The following RBFOX1 variants were observed in gnomAD, a reference collection of about 807,000 sequenced individuals.
The protein encoded by RBFOX1 is RNA binding protein fox-1 homolog 1.
In RBFOX1, 8 loss-of-function variants were observed where a neutral mutation model predicts 57.7. That is an observed-to-expected ratio of 0.14 (90% CI 0.08 to 0.25). RBFOX1 has a LOEUF of 0.25. Among genes scored for constraint, RBFOX1 ranks in the 10% least tolerant of loss-of-function variants. RBFOX1 has a pLI of 1.00. For synonymous variants in RBFOX1, 326 were observed against 222.4 expected (o/e 1.47, Z -4.15); for missense variants, 611 against 548.5 (o/e 1.11, Z -1.14).
chr16:7,529,197 C>T (rs2079396573), intron 5 of RBFOX1, among the ~76,000 whole-genome samples: 1 of 152,042 alleles, frequency 6.6e-6, no homozygotes. Flanking sequence ...GGAGGCGGAG[C>T]TTACAGTGAG....
chr16:6,801,782 C>A (rs1329958456), intron 3 of RBFOX1, among the ~76,000 whole-genome samples: 1 of 152,064 alleles, frequency 6.6e-6, no homozygotes, highest in Non-Finnish European at 1.5e-5. Flanking sequence ...TATTGCCAGA[C>A]CGACTCAAAA....
intron 1 of RBFOX1, among the ~76,000 whole-genome samples, chr16:5,319,092 A>G (rs559756043): frequency 1.3e-5 from 2 of 152,332 alleles, no homozygotes; most frequent in South Asian, 4.1e-4. Flanking sequence ...ACGCCACTGC[A>G]CTCCAGCCTG....
intron 2 of RBFOX1, among the ~76,000 whole-genome samples, chr16:6,508,492 A>G (rs1162330149): frequency 1.3e-5 from 2 of 152,232 alleles, no homozygotes; most frequent in Non-Finnish European, 2.9e-5. Context: ...AACATAATTC[A>G]GCTAATCCCT....
chr16:7,068,343 G>C (rs1253851131), intron 4 of RBFOX1, among the ~76,000 whole-genome samples: 2 of 152,078 alleles, frequency 1.3e-5, no homozygotes, highest in African/African-American at 4.8e-5. Flanking sequence ...TGTGTTCTGG[G>C]ATGGTCCACC....
intron 1 of RBFOX1, among the ~76,000 whole-genome samples, chr16:5,302,854 T>G (rs888887723): frequency 2.0e-5 from 3 of 152,250 alleles, no homozygotes; most frequent in African/African-American, 7.2e-5. Flanking sequence ...AAACAGCATA[T>G]AGTTAATCTT....
At chr16:6,558,844 C>T (rs1267700280) in intron 2 of RBFOX1, among the ~76,000 whole-genome samples, 2 of 151,038 alleles carry the variant, frequency 1.3e-5, no homozygotes, top group African/African-American at 4.9e-5. Context: ...TTTTACTTCC[C>T]CAAACATACC....
intron 1 of RBFOX1, among the ~76,000 whole-genome samples, chr16:6,082,568 A>G (rs1364078546): frequency 4.0e-5 from 6 of 151,606 alleles, no homozygotes; most frequent in Admixed American, 6.6e-5. Flanking sequence ...CTAAGGGCTA[A>G]CAGCCCTTAG....
At chr16:6,312,478 A>T (rs1259734090) in intron 1 of RBFOX1, among the ~76,000 whole-genome samples, 1 of 152,124 alleles carries the variant, frequency 6.6e-6, no homozygotes, top group Non-Finnish European at 1.5e-5. Context: ...TTGAACCTAG[A>T]TAGGGTGAGG....
At chr16:7,086,976 A>T (rs905497076) in intron 4 of RBFOX1, among the ~76,000 whole-genome samples, 1 of 151,992 alleles carries the variant, frequency 6.6e-6, no homozygotes, top group Non-Finnish European at 1.5e-5. Flanking sequence ...CTGCACAGAG[A>T]TGGGCAGGCG....
chr16:5,776,954 A>G (rs994424205), intron 3 of RBFOX1, among the ~76,000 whole-genome samples: 8 of 152,176 alleles, frequency 5.3e-5, no homozygotes, highest in African/African-American at 1.9e-4. Flanking sequence ...TTGAATTTTA[A>G]ATTAAATTTA....
intron 2 of RBFOX1, among the ~76,000 whole-genome samples, chr16:6,435,869 A>C (rs189912501): frequency 2.6e-4 from 39 of 152,226 alleles, no homozygotes; most frequent in African/African-American, 9.4e-4. Flanking sequence ...ATCAAATTCC[A>C]ATGTTCCATA....
At chr16:5,628,598 G>A (rs2048411710) in intron 3 of RBFOX1, among the ~76,000 whole-genome samples, 6 of 152,158 alleles carry the variant, frequency 3.9e-5, no homozygotes, top group Admixed American at 3.9e-4. Flanking sequence ...TTATTGCTCT[G>A]TCTTCATCTG....
chr16:6,964,580 A>G (rs1285149672), intron 3 of RBFOX1, among the ~76,000 whole-genome samples: 1 of 152,180 alleles, frequency 6.6e-6, no homozygotes, highest in Non-Finnish European at 1.5e-5. Flanking sequence ...ATCTCTTTAT[A>G]CTTGCTGAAT....
intron 2 of RBFOX1, among the ~76,000 whole-genome samples, chr16:6,580,147 C>T (rs1445927926): frequency 1.3e-5 from 2 of 152,026 alleles, no homozygotes; most frequent in Non-Finnish European, 2.9e-5. Context: ...TTAGAAGAGA[C>T]AGGGTTTCAC....
chr16:6,710,627 G>T (rs1249368518), intron 3 of RBFOX1, among the ~76,000 whole-genome samples: 1 of 152,246 alleles, frequency 6.6e-6, no homozygotes, highest in African/African-American at 2.4e-5. Flanking sequence ...ATGAGCTACA[G>T]CAAGGGAAGA....
intron 3 of RBFOX1, among the ~76,000 whole-genome samples, chr16:7,025,952 G>T (rs989195148): frequency 6.6e-6 from 1 of 152,196 alleles, no homozygotes; most frequent in East Asian, 1.9e-4. Context: ...TGGAAAGAGA[G>T]CCAGGTCTAG....
intron 3 of RBFOX1, among the ~76,000 whole-genome samples, chr16:6,766,358 T>C (rs753563760): frequency 4.6e-5 from 7 of 152,128 alleles, no homozygotes; most frequent in Non-Finnish European, 1.0e-4. Flanking sequence ...CTTTTCCTAC[T>C]TGAGCATTTG....
At position 6,653,316 on chromosome 16, in the gene RBFOX1, G is replaced by A. The variant is rs780242501; in HGVS notation, c.-63-1287G>A. On this transcript the variant is annotated intron_variant, in intron 2 of 15. Transcript: ENST00000550418. ...AAGTGATATGCATGGTTTAATGCTT[G>A]TCTTGTCCAGAAGAATGTAAGCATC... is the stretch of plus-strand genomic sequence containing the variant. 9.2e-5 allele frequency among the ~76,000 whole-genome samples: 14 copies of A among 152,228 alleles called. No individual in the cohort carries two copies. The Middle Eastern group carries it at 0.01, about 111-fold the overall frequency.
intron 3 of RBFOX1, among the ~76,000 whole-genome samples, chr16:5,749,047 C>T (rs1372494774): frequency 6.6e-6 from 1 of 152,098 alleles, no homozygotes; most frequent in Non-Finnish European, 1.5e-5. Context: ...CCTTCAGGAG[C>T]TCTTTTAGGG....
Sources: allele counts gnomAD v4.1 joint callset (sites outside exome capture counted in the v4.1 genomes callset), GRCh38; gene constraint gnomAD v4.1.1; transcripts MANE v1.5; gene names NCBI Gene and HGNC (gene_info 2026-07-23, HGNC 2026-07-21).